Variants in AKR1B15 observed in about 807,000 individuals in gnomAD.
AKR1B15 encodes aldo-keto reductase family 1 member B15.
A neutral mutation model predicts 38.5 loss-of-function variants in AKR1B15; 49 were observed. That is an observed-to-expected ratio of 1.27 (90% CI 1.01 to 1.62). The LOEUF is 1.62. AKR1B15 is among the 40% of genes most tolerant of loss of function. The pLI is 0.00. For missense variants in AKR1B15, 411 were observed against 381.6 expected (o/e 1.08, Z -0.64); for synonymous variants, 137 against 135.5 (o/e 1.01, Z -0.08).
chr7:134,562,041 T>A (rs1347234698), intron 2 of AKR1B15, among the ~76,000 whole-genome samples: 1 of 152,170 alleles, frequency 6.6e-6, no homozygotes, highest in Non-Finnish European at 1.5e-5. Flanking sequence ...TGGAGTGCAG[T>A]GGCACAATCT....
intron 3 of AKR1B15, among the ~76,000 whole-genome samples, chr7:134,567,371 T>C (rs1435386974): frequency 6.6e-6 from 1 of 152,218 alleles, no homozygotes; most frequent in Non-Finnish European, 1.5e-5. Flanking sequence ...CCTCGCTCTT[T>C]CTTTTTATAG....
chr7:134,579,675 C>T lies in AKR1B15; in HGVS notation c.*126C>T. The T allele has an allele frequency of 6.2e-6, 5 of 809,138 alleles. No homozygotes were observed. Among genetic ancestry groups the T allele is most frequent in the South Asian group, 6.1e-5 (3 of 49,436 alleles). 50.1% of individuals were successfully genotyped at this position (809,138 alleles called of 1,614,324 possible). On this transcript the variant is annotated 3_prime_UTR_variant, in exon 12 of 12. Coordinates refer to ENST00000457545, the MANE Select transcript of AKR1B15 (RefSeq NM_001080538.3). ...ACAGTGAACTTTGTCCTGTTGTAGA[C>T]CAGAATGGAGGTGCTGTTTTAGACA...
chr7:134,576,511 G>A (rs1794771415), intron 9 of AKR1B15, 81 bp downstream of exon 9: 4 of 1,520,510 alleles, frequency 2.6e-6, no homozygotes, highest in East Asian at 2.3e-5. Flanking sequence ...GTCCTCAACT[G>A]ACTCCTTAAA....
At chr7:134,558,907 A>G (rs1794295474) in intron 2 of AKR1B15, among the ~76,000 whole-genome samples, 1 of 152,154 alleles carries the variant, frequency 6.6e-6, no homozygotes, top group Non-Finnish European at 1.5e-5. Context: ...ATCCAAGGGT[A>G]GAAGAAAAGG....
Position 134,571,615 on chromosome 7 carries a change from C to G in AKR1B15, c.447C>G (p.Asp149Glu), listed in dbSNP as rs568195735. ...TTCTGTATTTACAGACTGGGGATGA[C>G]TTTTTCCCCAAAGATGATAAAGGTA... ...HWPQGFKTGD[D>E]FFPKDDKGNM... The change falls in exon 6 of 12, where the codon GAC becomes GAG. Residue 149 changes from aspartate (D) to glutamate (E), a missense_variant. Asp to Glu is a conservative substitution (Grantham distance 45, BLOSUM62 2). Coordinates refer to ENST00000457545, the MANE Select transcript of AKR1B15 (RefSeq NM_001080538.3). The G allele has an allele frequency of 2.9e-5, 47 of 1,613,148 alleles. No homozygotes were observed. Among genetic ancestry groups the G allele is most frequent in the Non-Finnish European group, 3.9e-5 (46 of 1,179,444 alleles).
intron 6 of AKR1B15, 132 bp from the exon 7 acceptor site, chr7:134,575,288 T>C: frequency 7.1e-7 from 1 of 1,415,048 alleles, no homozygotes. Flanking sequence ...GGACTGAAAT[T>C]TCCTGTGAAT....
At chr7:134,570,132 G>A (rs939221863) in intron 5 of AKR1B15, 1 of 152,484 alleles carries the variant, frequency 6.6e-6, no homozygotes, top group African/African-American at 2.4e-5. Context: ...CTGCTCTGGG[G>A]ACGGCTGTCT....
At chr7:134,579,439 T>C (rs571022875) in intron 11 of AKR1B15, 68 bp from the exon 12 acceptor site, 50 of 1,350,798 alleles carry the variant, frequency 3.7e-5, no homozygotes, top group Non-Finnish European at 4.6e-5. Context: ...CAGAGAAGAA[T>C]ACCTTCTCAG....
chr7:134,565,338 A>G, intron 3 of AKR1B15: 1 of 1,328,706 alleles, frequency 7.5e-7, no homozygotes, highest in African/African-American at 1.5e-5. Flanking sequence ...CAACATCTTT[A>G]ACAGCTGTAA....
At chr7:134,572,088 A>G (rs530146757) in intron 6 of AKR1B15, among the ~76,000 whole-genome samples, 11 of 152,288 alleles carry the variant, frequency 7.2e-5, no homozygotes, top group African/African-American at 2.2e-4. Flanking sequence ...ACTAATATAT[A>G]TCTTTCGGGG....
intron 10 of AKR1B15, 22 bp downstream of exon 10, chr7:134,577,068 C>T: frequency 6.3e-7 from 1 of 1,595,826 alleles, no homozygotes; most frequent in South Asian, 1.1e-5. Flanking sequence ...GCTGGTCGGG[C>T]CTGGTATTCC....
At chr7:134,579,000 G>A (rs1287263575) in intron 11 of AKR1B15, among the ~76,000 whole-genome samples, 2 of 152,162 alleles carry the variant, frequency 1.3e-5, no homozygotes, top group African/African-American at 4.8e-5. Flanking sequence ...TGGTTTCTTC[G>A]CTGTGTGACA....
At position 134,564,741 on chromosome 7, in the gene AKR1B15, C is replaced by G. The variant is rs1794494532; in HGVS notation, c.122C>G (p.Ala41Gly). 1.7e-5 allele frequency: 12 copies of G among 690,440 alleles called. No individual in the cohort carries two copies. The highest frequency in any genetic ancestry group is 3.7e-4 in the Middle Eastern group (1 of 2,714). The allele number at this position is 690,440 out of a possible 1,614,324, so 42.8% of individuals were successfully genotyped here. Residue 41 changes from alanine (A) to glycine (G), a missense_variant, in exon 3 of 12, where the codon GCA becomes GGA. Physicochemically the swap from Ala to Gly is moderately conservative, Grantham distance 60. Around this residue, in one of 3 missense-constraint regions of AKR1B15, gnomAD observed 254 missense variants for 212.4 expected, o/e 1.20. Transcript: ENST00000457545. The part of the protein sequence containing the change: ...KSSLLKDTTS[A>G]GPLLRPYPAS... ...TCCCTTCTGAAGGACACTACAAGTG[C>G]AGGGCCCCTTCTTCGCCCCTATCCA...
In AKR1B15 at chr7:134,561,104, A is replaced by G. The variant is rs139543357; in HGVS notation, c.-22-3494A>G. ...GGTTTATAGTCACAAAGGATTTACT[A>G]TTTCAACAATACTAGCACTGCATAT... On this transcript the variant is annotated intron_variant, in intron 2 of 11. Transcript: ENST00000457545. Among the ~76,000 whole-genome samples, 511 of 152,308 alleles carry G rather than the reference A, an allele frequency of 3.4e-3. 3 individuals are homozygous for G. Among genetic ancestry groups the G allele is most frequent in the African/African-American group, 0.012 (487 of 41,564 alleles).
chr7:134,560,783 C>T (rs1423023317), intron 2 of AKR1B15, among the ~76,000 whole-genome samples: 3 of 152,150 alleles, frequency 2.0e-5, no homozygotes, highest in Non-Finnish European at 2.9e-5. Context: ...CGAAAGACGG[C>T]GAACACCACA....
intron 1 of AKR1B15, among the ~76,000 whole-genome samples, chr7:134,549,719 C>T (rs1392118131): frequency 6.6e-6 from 1 of 152,148 alleles, no homozygotes; most frequent in African/African-American, 2.4e-5. Context: ...TCTGACTGAT[C>T]CCATCACGGG....
At chr7:134,570,437 C>CT (rs1415431080) in intron 5 of AKR1B15, 1 of 152,174 alleles carries the variant, frequency 6.6e-6, no homozygotes, top group Admixed American at 6.5e-5. Flanking sequence ...ACTCCCTCCC[C>CT]TTTTGAAAAT....
Position 134,576,550 on chromosome 7 carries a change from T to C in AKR1B15, c.825+120T>C, listed in dbSNP as rs59326083. The C allele has an allele frequency of 4.3e-3, 5,216 of 1,211,572 alleles. 179 individuals carry two copies. In the African/African-American group the frequency reaches 0.069, roughly 16 times the overall value. 75.1% of individuals were successfully genotyped at this position (1,211,572 alleles called of 1,614,324 possible). On this transcript the variant is annotated intron_variant, in intron 9 of 11. Coordinates refer to ENST00000457545, the MANE Select transcript of AKR1B15 (RefSeq NM_001080538.3). ...GAAGAACACAGGAGCTGAAGCCCTC[T>C]AAAGTATTTCCTTTGAAGTCTGTTG...
intron 2 of AKR1B15, among the ~76,000 whole-genome samples, chr7:134,561,212 GTATT>G (rs969326598): frequency 1.6e-4 from 25 of 152,202 alleles, no homozygotes; most frequent in Admixed American, 4.6e-4. Context: ...AGGCATGCAT[GTATT>G]TATTTATTTA....
Sources: gnomAD v4.1 joint callset for allele counts (sites outside exome capture counted in the v4.1 genomes callset) on GRCh38, gnomAD v4.1.1 for gene constraint, gnomAD v4.1.1 regional missense constraint, MANE v1.5 for transcripts, NCBI Gene and HGNC (gene_info 2026-07-23, HGNC 2026-07-21) for gene names.